The following AGMO variants were observed in gnomAD, a reference collection of about 807,000 sequenced individuals.
AGMO encodes the protein alkylglycerol monooxygenase.
Under a neutral mutation model 60.2 loss-of-function variants are expected in AGMO, and 75 were observed. That is an observed-to-expected ratio of 1.25 (90% confidence interval 1.03 to 1.51). The LOEUF is 1.51. AGMO is among the 40% of genes most tolerant of loss of function. The pLI is 0.00. For missense variants in AGMO, 763 were observed against 525.5 expected, an observed-to-expected ratio of 1.45 and a Z score of -4.42; for synonymous variants, 261 against 177.1, an observed-to-expected ratio of 1.47 and a Z score of -3.76.
chr7:15,386,293 GAGA>G (rs1783913019), intron 9 of AGMO, among the ~76,000 whole-genome samples: 1 of 152,154 alleles, frequency 6.6e-6, no homozygotes, highest in African/African-American at 2.4e-5. Flanking sequence ...GGAAACTTTG[GAGA>G]AGTTTTTCCA....
chr7:15,470,105 G>A (rs1348915181), intron 3 of AGMO, among the ~76,000 whole-genome samples: 4 of 152,004 alleles, frequency 2.6e-5, no homozygotes, highest in Non-Finnish European at 5.9e-5. Flanking sequence ...TCAAGATGTA[G>A]AAGAATTAGG....
intron 3 of AGMO, among the ~76,000 whole-genome samples, chr7:15,469,159 C>T (rs1310831131): frequency 6.6e-5 from 10 of 152,008 alleles, no homozygotes; most frequent in Non-Finnish European, 1.3e-4. Flanking sequence ...TTATAGCAAT[C>T]TAGACCAATC....
At chr7:15,318,012 T>A (rs536675637) in intron 12 of AGMO, among the ~76,000 whole-genome samples, 60 of 63,850 alleles carry the variant, frequency 9.4e-4, no homozygotes, top group East Asian at 1.7e-3. Flanking sequence ...ATACATATAT[T>A]TTTTTTTTTT....
chr7:15,485,523 G>T lies in AGMO; in HGVS notation c.410-54415C>A, dbSNP rs1394441441. On this transcript the variant is annotated intron_variant, in intron 3 of 12. Transcript: ENST00000342526. ...TCTCATGTTCAGATGAGGTCTCTGGGGTGGTTAATGCTTTTTTGGTCAGGG... is the reference window on the plus strand; with the variant it reads ...TCTCATGTTCAGATGAGGTCTCTGGTGTGGTTAATGCTTTTTTGGTCAGGG... Among the ~76,000 whole-genome samples the T allele has an allele frequency of 1.1e-4, 17 of 152,148 alleles. 1 individual carries two copies. The highest frequency in any genetic ancestry group is 2.9e-5 in the Non-Finnish European group (2 of 68,004).
chr7:15,445,213 A>T lies in AGMO; in HGVS notation c.410-14105T>A, dbSNP rs538735649. Among the ~76,000 whole-genome samples the T allele has an allele frequency of 6.9e-4, 105 of 152,340 alleles. 1 individual carries two copies. Among genetic ancestry groups the T allele is most frequent in the Non-Finnish European group, 1.1e-3 (78 of 68,006 alleles). On this transcript the variant is annotated intron_variant, in intron 3 of 12. Coordinates refer to ENST00000342526, the MANE Select transcript of AGMO (RefSeq NM_001004320.2). ...AAGAGAAATGTGAAAAGGCAAAGGT[A>T]ACAAGGAATAACATCAGTATTGGTG... is the stretch of plus-strand genomic sequence containing the variant.
intron 12 of AGMO, among the ~76,000 whole-genome samples, chr7:15,262,365 C>T (rs1783298348): frequency 6.6e-6 from 1 of 151,938 alleles, no homozygotes; most frequent in Admixed American, 6.6e-5. Flanking sequence ...AATAACTCAA[C>T]CCCATTTACA....
At chr7:15,434,329 T>G (rs1781337566) in intron 3 of AGMO, among the ~76,000 whole-genome samples, 1 of 152,130 alleles carries the variant, frequency 6.6e-6, no homozygotes, top group Admixed American at 6.6e-5. Context: ...TATTCATGCC[T>G]TTTATAATCT....
chr7:15,215,119 C>A (rs921380884), intron 12 of AGMO, among the ~76,000 whole-genome samples: 2 of 151,950 alleles, frequency 1.3e-5, no homozygotes, highest in Admixed American at 1.3e-4. Flanking sequence ...CATTTTCTTT[C>A]CCCAGTGATG....
At chr7:15,533,337 T>G (rs1784413904) in intron 3 of AGMO, among the ~76,000 whole-genome samples, 1 of 152,154 alleles carries the variant, frequency 6.6e-6, no homozygotes, top group Admixed American at 6.6e-5. Flanking sequence ...TCTTATGATA[T>G]TTATTTAGTC....
the AGMO span, among the ~76,000 whole-genome samples, chr7:15,164,317 TG>T: frequency 6.6e-6 from 1 of 151,958 alleles, no homozygotes; most frequent in Non-Finnish European, 1.5e-5. Flanking sequence ...AAAAATTATC[TG>T]GACATTGGCC....
chr7:15,558,931 A>G (rs1785227519), intron 2 of AGMO, among the ~76,000 whole-genome samples: 1 of 152,106 alleles, frequency 6.6e-6, no homozygotes, highest in Admixed American at 6.6e-5. Context: ...TTAAAACAGG[A>G]CAAGAAGAAA....
intron 3 of AGMO, among the ~76,000 whole-genome samples, chr7:15,525,354 C>T (rs1208126796): frequency 1.3e-5 from 2 of 152,044 alleles, no homozygotes; most frequent in African/African-American, 4.8e-5. Context: ...TTTGGTATGA[C>T]TTCCTCTGAT....
At chr7:15,215,817 C>T (rs984457204) in intron 12 of AGMO, among the ~76,000 whole-genome samples, 2 of 151,984 alleles carry the variant, frequency 1.3e-5, no homozygotes, top group African/African-American at 4.8e-5. Context: ...AGGATGTGGG[C>T]TTAATTGAAA....
chr7:15,135,604 T>C, the AGMO span, among the ~76,000 whole-genome samples: 1 of 152,192 alleles, frequency 6.6e-6, no homozygotes, highest in Admixed American at 6.5e-5. Context: ...AATATAGTAG[T>C]ATATCAAATA....
At chr7:15,469,397 G>A (rs1782379427) in intron 3 of AGMO, among the ~76,000 whole-genome samples, 1 of 152,200 alleles carries the variant, frequency 6.6e-6, no homozygotes, top group East Asian at 1.9e-4. Context: ...AAACAAAACA[G>A]CAACAACTAA....
At chr7:15,192,461 TCTCCTTTCTAG>T in the AGMO span, among the ~76,000 whole-genome samples, 36 of 151,980 alleles carry the variant, frequency 2.4e-4, no homozygotes, top group African/African-American at 7.0e-4. Flanking sequence ...TCCCACTCTA[TCTCCTTTCTAG>T]CTCCTTTCTA....
chr7:15,141,883 G>A, the AGMO span, among the ~76,000 whole-genome samples: 1 of 152,132 alleles, frequency 6.6e-6, no homozygotes, highest in South Asian at 2.1e-4. Flanking sequence ...TTCTCACTCT[G>A]CCAGGTAACA....
At chr7:15,176,969 C>T in the AGMO span, among the ~76,000 whole-genome samples, 2 of 152,100 alleles carry the variant, frequency 1.3e-5, no homozygotes, top group African/African-American at 2.4e-5. Context: ...ATGACCAAGA[C>T]ATGTCATTTA....
intron 12 of AGMO, among the ~76,000 whole-genome samples, chr7:15,278,679 G>A (rs1385849609): frequency 6.6e-6 from 1 of 152,178 alleles, no homozygotes; most frequent in Non-Finnish European, 1.5e-5. Flanking sequence ...TCACAGAAGT[G>A]GTAGTAGATT....
Sources: allele counts gnomAD v4.1 joint callset (sites outside exome capture counted in the v4.1 genomes callset), GRCh38; gene constraint gnomAD v4.1.1; transcripts MANE v1.5; gene names NCBI Gene and HGNC (gene_info 2026-07-23, HGNC 2026-07-21).